Variants in FBXW8 observed in about 807,000 individuals in gnomAD.
The protein encoded by FBXW8 is F-box/WD repeat-containing protein 8.
In FBXW8, 57 loss-of-function variants were observed where a neutral mutation model predicts 65.3. The observed-to-expected ratio is 0.87, with a 90% CI of 0.71 to 1.09. The LOEUF (loss-of-function observed/expected upper bound fraction) is 1.09. FBXW8 is among the 50% of genes least tolerant of loss of function. FBXW8 has a pLI of 0.00. For synonymous variants in FBXW8, 308 were observed against 330.2 expected (o/e 0.93, Z 0.73); for missense variants, 777 against 814.8 (o/e 0.95, Z 0.57).
At chr12:116,982,740 G>A (rs1885401488) in intron 5 of FBXW8, among the ~76,000 whole-genome samples, 1 of 151,646 alleles carries the variant, frequency 6.6e-6, no homozygotes, top group Non-Finnish European at 1.5e-5. Flanking sequence ...TGCCAGCAAA[G>A]CCAATACTTG....
In FBXW8 at chr12:116,990,754, GT is replaced by G. The variant is rs991153071; in HGVS notation, c.1239+1892del. Among the ~76,000 whole-genome samples the G allele has an allele frequency of 2.0e-5, 3 of 152,154 alleles. 1 individual carries two copies. The highest frequency in any genetic ancestry group is 2.0e-4 in the Admixed American group (3 of 15,274). ...TCAGATACAGATGTAAGGCAGTGGG[GT>G]TTTTTTGATTCCTCTCAAAATTTCC... On this transcript the variant is annotated intron_variant, in intron 7 of 10. Transcript: ENST00000652555.
rs533123070 is a variant in FBXW8 at position 117,017,461 on chromosome 12, T to G, written c.1368-6686T>G. 3.2e-4 allele frequency among the ~76,000 whole-genome samples: 48 copies of G among 152,324 alleles called. No homozygotes were observed. The East Asian group carries it at 5.4e-3, about 17-fold the overall frequency. ...TAGGCTAGCTGCATTAAACTGGCAG[T>G]TCTACCTGAAAATACACTTTTTTCT... On this transcript the variant is annotated intron_variant, in intron 8 of 10. Coordinates refer to ENST00000652555, the MANE Select transcript of FBXW8 (RefSeq NM_153348.3).
At chr12:117,017,522 A>G (rs1347428105) in intron 8 of FBXW8, among the ~76,000 whole-genome samples, 2 of 152,200 alleles carry the variant, frequency 1.3e-5, no homozygotes, top group African/African-American at 4.8e-5. Flanking sequence ...ACCAAAGGCC[A>G]TTGTCAGTGC....
chr12:116,990,195 G>A (rs954524462), intron 7 of FBXW8, among the ~76,000 whole-genome samples: 1 of 152,218 alleles, frequency 6.6e-6, no homozygotes, highest in Non-Finnish European at 1.5e-5. Context: ...GACGATATGT[G>A]TGGCATCCTA....
rs1280495976 is a variant in FBXW8, at chr12:116,913,146, G to A, written c.318+1791G>A. ...ACCTGCTAACTCCATCACCAGGGAA[G>A]GGGCCCTGAAATCTGATGACTGGTA... On this transcript the variant is annotated intron_variant, in intron 1 of 10. Coordinates refer to ENST00000652555, the MANE Select transcript of FBXW8 (RefSeq NM_153348.3). Among the ~76,000 whole-genome samples the A allele has an allele frequency of 2.0e-5, 3 of 152,044 alleles. No homozygotes were observed. The East Asian group carries it at 5.8e-4, about 29-fold the overall frequency.
At chr12:116,975,459 G>A (rs1205662982) in intron 5 of FBXW8, among the ~76,000 whole-genome samples, 2 of 152,118 alleles carry the variant, frequency 1.3e-5, no homozygotes, top group African/African-American at 2.4e-5. Context: ...ACATCCCAAA[G>A]GTCTCATTTC....
intron 8 of FBXW8, among the ~76,000 whole-genome samples, chr12:117,019,304 A>T (rs1592966016): frequency 6.6e-6 from 1 of 152,330 alleles, no homozygotes; most frequent in East Asian, 1.9e-4. Context: ...GACCTCTTCA[A>T]GACCATCTAA....
At chr12:117,015,813 A>G (rs1028047863) in intron 8 of FBXW8, among the ~76,000 whole-genome samples, 3 of 151,996 alleles carry the variant, frequency 2.0e-5, no homozygotes, top group African/African-American at 7.3e-5. Flanking sequence ...CCAAATAGAA[A>G]CCCCAAATCC....
intron 4 of FBXW8, among the ~76,000 whole-genome samples, chr12:116,953,378 C>G (rs10744886): frequency 0.7 from 105,811 of 152,126 alleles, 40,768 homozygotes; most frequent in Non-Finnish European, 0.85. Flanking sequence ...GCAGGGCTGG[C>G]TGGTGAGGCT....
chr12:116,974,442 G>A (rs1353216118), intron 5 of FBXW8, among the ~76,000 whole-genome samples: 1 of 152,158 alleles, frequency 6.6e-6, no homozygotes, highest in African/African-American at 2.4e-5. Context: ...TAGTAATGGG[G>A]CTAATTCAGC....
intron 4 of FBXW8, among the ~76,000 whole-genome samples, chr12:116,952,460 A>G (rs1883348535): frequency 6.6e-6 from 1 of 152,156 alleles, no homozygotes; most frequent in Non-Finnish European, 1.5e-5. Context: ...GAACATTTTC[A>G]TCAACTGGAA....
chr12:117,024,468 TGTCCCAGCACCGCTC>T, intron 9 of FBXW8, 148 bp downstream of exon 9: 1 of 876,152 alleles, frequency 1.1e-6, no homozygotes. Context: ...AGCCAGCTGC[TGTCCCAGCACCGCTC>T]TGCAGAGGAG....
At chr12:116,923,647 T>G (rs1201748411) in intron 1 of FBXW8, among the ~76,000 whole-genome samples, 1 of 145,446 alleles carries the variant, frequency 6.9e-6, no homozygotes, top group Non-Finnish European at 1.5e-5. Flanking sequence ...GCTCAGCCTC[T>G]CGAGTAGCTG....
At chr12:116,939,439 G>T (rs1018887024) in intron 2 of FBXW8, among the ~76,000 whole-genome samples, 1 of 152,190 alleles carries the variant, frequency 6.6e-6, no homozygotes, top group Admixed American at 6.5e-5. Flanking sequence ...GCTTCGTTTT[G>T]TTTAAAGCAG....
At chr12:116,988,317 G>C (rs1363668449) in intron 6 of FBXW8, among the ~76,000 whole-genome samples, 1 of 152,208 alleles carries the variant, frequency 6.6e-6, no homozygotes, top group East Asian at 1.9e-4. Context: ...ATCCCCACCA[G>C]CAGTAAGTGG....
rs1468454277 is a variant in FBXW8, at chr12:116,961,777, C to T, written c.678-2920C>T. 1.3e-5 allele frequency among the ~76,000 whole-genome samples: 2 copies of T among 152,114 alleles called. No homozygotes were observed. The highest frequency in any genetic ancestry group is 2.4e-5 in the African/African-American group (1 of 41,474). On this transcript the variant is annotated intron_variant, in intron 4 of 10. Transcript: ENST00000652555. The surrounding 1 kb of genome is among the most constrained non-coding windows in gnomAD (Gnocchi z 4.4). Reference sequence around the variant, plus strand: ...GCTGCCGTGAAGGTAGATCGTAGTGCGGTGTAGTGTGGCATGTGAGGGAGA... The same window carrying T: ...GCTGCCGTGAAGGTAGATCGTAGTGTGGTGTAGTGTGGCATGTGAGGGAGA...
At chr12:116,973,364 T>C (rs1884744788) in intron 5 of FBXW8, among the ~76,000 whole-genome samples, 1 of 152,116 alleles carries the variant, frequency 6.6e-6, no homozygotes, top group Non-Finnish European at 1.5e-5. Context: ...GGGTCTTACA[T>C]GGTCTCAAAA....
chr12:116,956,095 A>G (rs1383437159), intron 4 of FBXW8, among the ~76,000 whole-genome samples: 1 of 152,062 alleles, frequency 6.6e-6, no homozygotes, highest in Admixed American at 6.6e-5. Flanking sequence ...ATATGAGAGG[A>G]CATTTTCTCT....
chr12:117,002,700 T>G (rs1424419133), intron 7 of FBXW8: 1 of 152,244 alleles, frequency 6.6e-6, no homozygotes, highest in East Asian at 1.9e-4. Context: ...CGGAGTAAAC[T>G]GCTTTTAAAT....
Sources: allele counts gnomAD v4.1 joint callset (sites outside exome capture counted in the v4.1 genomes callset), GRCh38; gene constraint gnomAD v4.1.1; non-coding constraint Gnocchi (gnomAD v3.1); transcripts MANE v1.5; gene names NCBI Gene and HGNC (gene_info 2026-07-23, HGNC 2026-07-21).